Variants in SNCAIP observed in about 807,000 individuals in gnomAD.
The protein encoded by SNCAIP is synphilin-1.
Under a neutral mutation model 86.7 loss-of-function variants are expected in SNCAIP, and 43 were observed. The ratio of observed to expected loss-of-function variants is 0.50; its 90% CI spans 0.39 to 0.64. SNCAIP has a LOEUF of 0.64. Ranked by LOEUF, SNCAIP falls within the 30% of genes least tolerant of loss-of-function variation. The pLI, the probability that SNCAIP is intolerant of heterozygous loss-of-function variation, is 0.00. For missense variants in SNCAIP, 981 were observed against 1,103.1 expected, an observed-to-expected ratio of 0.89 and a Z score of 1.57; for synonymous variants, 417 against 427.2, an observed-to-expected ratio of 0.98 and a Z score of 0.29.
At chr5:122,457,197 T>C (rs1247979898) in intron 10 of SNCAIP, among the ~76,000 whole-genome samples, 1 of 152,044 alleles carries the variant, frequency 6.6e-6, no homozygotes. Flanking sequence ...GAGACGAGGT[T>C]TCACCCTGTT....
intron 1 of SNCAIP, among the ~76,000 whole-genome samples, chr5:122,313,832 A>G (rs927930833): frequency 1.3e-5 from 2 of 152,236 alleles, no homozygotes; most frequent in African/African-American, 2.4e-5. Flanking sequence ...CTAAATATGT[A>G]TGCATTAACA....
At chr5:122,408,534 T>A (rs896282967) in intron 3 of SNCAIP, among the ~76,000 whole-genome samples, 2 of 152,202 alleles carry the variant, frequency 1.3e-5, no homozygotes, top group Admixed American at 1.3e-4. Context: ...TTTCTTTAGC[T>A]AGAAGCTTTG....
intron 1 of SNCAIP, among the ~76,000 whole-genome samples, chr5:122,325,326 G>C (rs1245039161): frequency 6.6e-6 from 1 of 152,118 alleles, no homozygotes; most frequent in Non-Finnish European, 1.5e-5. Context: ...TAGGGAGGGA[G>C]AGGTTTGGGT....
chr5:122,367,912 G>A (rs554236848), intron 1 of SNCAIP, among the ~76,000 whole-genome samples: 10 of 152,062 alleles, frequency 6.6e-5, no homozygotes, highest in African/African-American at 2.4e-4. Context: ...AAATATAAGT[G>A]TATACATACA....
chr5:122,400,054 G>A (rs1409980772), intron 2 of SNCAIP, among the ~76,000 whole-genome samples: 1 of 152,062 alleles, frequency 6.6e-6, no homozygotes, highest in Admixed American at 6.6e-5. Context: ...AGGCAAAGCT[G>A]GAAGAATTAA....
rs755120977 is a variant in SNCAIP at position 122,423,522 on chromosome 5, C to T, written c.785C>T (p.Thr262Ile). ...CAGAGTAAAGACTTCCTAAACAAGACATTTAGTGATCCTCATGGTCGAAAA... is the reference window on the plus strand; with the variant it reads ...CAGAGTAAAGACTTCCTAAACAAGATATTTAGTGATCCTCATGGTCGAAAA... Reference protein sequence around the residue: ...ENQSKDFLNKTFSDPHGRKVE... With the variant: ...ENQSKDFLNKIFSDPHGRKVE... The change falls in exon 4 of 11, where the codon ACA becomes ATA. Residue 262 changes from threonine to isoleucine, a missense_variant. By Grantham distance (89) the Thr-to-Ile change is moderately conservative. Coordinates refer to ENST00000261368, the MANE Select transcript of SNCAIP (RefSeq NM_005460.4). 31 of 1,614,056 alleles carry T rather than the reference C, an allele frequency of 1.9e-5. No homozygotes were observed. The highest frequency in any genetic ancestry group is 3.3e-4 in the Middle Eastern group (2 of 6,084).
intron 1 of SNCAIP, chr5:122,369,911 A>T (rs1279720073): frequency 6.6e-6 from 1 of 152,140 alleles, no homozygotes; most frequent in East Asian, 1.9e-4. Context: ...TTCTCTTTCC[A>T]AAAGAGCTTT....
intron 2 of SNCAIP, among the ~76,000 whole-genome samples, chr5:122,402,680 TAA>T (rs1491172486): frequency 6.6e-6 from 1 of 152,216 alleles, no homozygotes; most frequent in African/African-American, 2.4e-5. Context: ...TCAAGCTAAC[TAA>T]AGTACCTTCT....
At chr5:122,399,084 A>G (rs1043063681) in intron 2 of SNCAIP, among the ~76,000 whole-genome samples, 1 of 152,120 alleles carries the variant, frequency 6.6e-6, no homozygotes, top group African/African-American at 2.4e-5. Flanking sequence ...AGGCTAAGTT[A>G]TATTTCCTTT....
At chr5:122,438,943 C>T (rs1055556872) in intron 6 of SNCAIP, among the ~76,000 whole-genome samples, 2 of 152,216 alleles carry the variant, frequency 1.3e-5, no homozygotes, top group African/African-American at 4.8e-5. Flanking sequence ...AATCTATCCT[C>T]TTGCAGCCTC....
intron 5 of SNCAIP, among the ~76,000 whole-genome samples, chr5:122,430,566 A>G (rs970659006): frequency 9.2e-5 from 14 of 152,172 alleles, no homozygotes; most frequent in African/African-American, 3.4e-4. Flanking sequence ...ATTTAAAACC[A>G]TATCAGAATC....
intron 5 of SNCAIP, among the ~76,000 whole-genome samples, chr5:122,429,999 G>A (rs1246838020): frequency 6.6e-6 from 1 of 152,108 alleles, no homozygotes; most frequent in East Asian, 1.9e-4. Context: ...GATCCAGCCA[G>A]AGGAGCAGGG....
At chr5:122,350,245 T>C (rs1225741236) in intron 1 of SNCAIP, among the ~76,000 whole-genome samples, 1 of 152,208 alleles carries the variant, frequency 6.6e-6, no homozygotes, top group African/African-American at 2.4e-5. Flanking sequence ...ACGTTGCTGA[T>C]CTTTATATTC....
upstream of SNCAIP, chr5:122,311,400 C>T (rs564873259): frequency 1.3e-5 from 2 of 152,638 alleles, no homozygotes; most frequent in East Asian, 3.9e-4. Flanking sequence ...GCCCTCCTCT[C>T]CTTGGCCACG....
chr5:122,345,234 T>C lies in SNCAIP; in HGVS notation c.-47+32950T>C, dbSNP rs149813968. On this transcript the variant is annotated intron_variant, in intron 1 of 10. Coordinates refer to ENST00000261368, the MANE Select transcript of SNCAIP (RefSeq NM_005460.4). ...TTGTATCAAATTTTTTGTTATTGGTTTATTGGAATGCCCTCATGTGTTTCT... is the reference window on the plus strand; with the variant it reads ...TTGTATCAAATTTTTTGTTATTGGTCTATTGGAATGCCCTCATGTGTTTCT... Among the ~76,000 whole-genome samples the C allele has an allele frequency of 3.0e-3, 450 of 152,314 alleles. 4 individuals are homozygous for C. Among genetic ancestry groups the C allele is most frequent in the African/African-American group, 0.011 (439 of 41,568 alleles).
At chr5:122,343,431 G>A (rs1757982419) in intron 1 of SNCAIP, among the ~76,000 whole-genome samples, 1 of 152,040 alleles carries the variant, frequency 6.6e-6, no homozygotes, top group Admixed American at 6.5e-5. Flanking sequence ...TTTAACTATA[G>A]GATATTTGAA....
At chr5:122,421,637 G>T (rs1776369966) in intron 3 of SNCAIP, among the ~76,000 whole-genome samples, 1 of 152,110 alleles carries the variant, frequency 6.6e-6, no homozygotes, top group South Asian at 2.1e-4. Context: ...GCGGTAAATG[G>T]AAAGTCCCTA....
chr5:122,438,635 T>C (rs1054934618), intron 6 of SNCAIP, among the ~76,000 whole-genome samples: 5 of 152,226 alleles, frequency 3.3e-5, no homozygotes, highest in Admixed American at 3.3e-4. Context: ...GGAACTAAAA[T>C]GGTAAAATTA....
intron 3 of SNCAIP, among the ~76,000 whole-genome samples, chr5:122,413,014 G>GA (rs1269655053): frequency 1.3e-5 from 2 of 152,170 alleles, no homozygotes; most frequent in Non-Finnish European, 2.9e-5. Context: ...TTGGAGGTGG[G>GA]ATCTTTGGAG....
Sources: allele counts gnomAD v4.1 joint callset (sites outside exome capture counted in the v4.1 genomes callset), GRCh38; gene constraint gnomAD v4.1.1; transcripts MANE v1.5; gene names NCBI Gene and HGNC (gene_info 2026-07-23, HGNC 2026-07-21).